Variants in NTM observed in about 807,000 individuals in gnomAD.
NTM encodes IgLON family member 2.
Under a neutral mutation model 42.1 loss-of-function variants are expected in NTM, and 13 were observed. That is an observed-to-expected ratio of 0.31 (90% CI 0.20 to 0.49). The LOEUF (loss-of-function observed/expected upper bound fraction) is 0.49. Among genes scored for constraint, NTM ranks in the 20% least tolerant of loss-of-function variants. NTM has a pLI of 0.99. For synonymous variants in NTM, 187 were observed against 179.2 expected, an observed-to-expected ratio of 1.04 and a Z score of -0.35; for missense variants, 373 against 452.8, an observed-to-expected ratio of 0.82 and a Z score of 1.60.
intron 1 of NTM, among the ~76,000 whole-genome samples, chr11:131,372,406 C>A (rs901787233): frequency 6.6e-6 from 1 of 152,072 alleles, no homozygotes; most frequent in African/African-American, 2.4e-5. Context: ...TGGAGGCATC[C>A]TCGATTGACT....
At chr11:131,464,622 G>A (rs937589095) in intron 1 of NTM, among the ~76,000 whole-genome samples, 5 of 151,980 alleles carry the variant, frequency 3.3e-5, no homozygotes, top group Non-Finnish European at 5.9e-5. Context: ...ACATACTCAG[G>A]CAGTCTGACA....
At chr11:131,635,524 G>T (rs2064247889) in intron 1 of NTM, among the ~76,000 whole-genome samples, 1 of 152,070 alleles carries the variant, frequency 6.6e-6, no homozygotes, top group South Asian at 2.1e-4. Context: ...TGTATGACGT[G>T]TGTACTAAGT....
chr11:131,445,864 C>T (rs1298947692), intron 1 of NTM, among the ~76,000 whole-genome samples: 1 of 152,196 alleles, frequency 6.6e-6, no homozygotes, highest in Non-Finnish European at 1.5e-5. Flanking sequence ...TTAGTTTCTA[C>T]TGGAGCATAA....
At chr11:132,269,790 A>G (rs971191783) in intron 4 of NTM, among the ~76,000 whole-genome samples, 1 of 152,194 alleles carries the variant, frequency 6.6e-6, no homozygotes, top group African/African-American at 2.4e-5. Flanking sequence ...GAAAAATCCC[A>G]TCACTCAGGA....
At chr11:131,816,313 A>G (rs1207533379) in intron 1 of NTM, among the ~76,000 whole-genome samples, 1 of 152,158 alleles carries the variant, frequency 6.6e-6, no homozygotes, top group African/African-American at 2.4e-5. Flanking sequence ...CTGGGAGTAC[A>G]ATGTCCATGC....
intron 2 of NTM, among the ~76,000 whole-genome samples, chr11:132,081,979 G>A (rs1046191865): frequency 1.4e-5 from 2 of 146,618 alleles, no homozygotes; most frequent in Non-Finnish European, 3.0e-5. Flanking sequence ...TTAAAATAAT[G>A]CAATTGCTGG....
intron 1 of NTM, among the ~76,000 whole-genome samples, chr11:131,659,142 C>T (rs953811628): frequency 6.6e-6 from 1 of 152,214 alleles, no homozygotes; most frequent in Non-Finnish European, 1.5e-5. Flanking sequence ...TCTGATGTCT[C>T]ATTGGCAGAC....
At chr11:131,838,191 C>CG (rs770050488) in intron 1 of NTM, among the ~76,000 whole-genome samples, 31 of 151,950 alleles carry the variant, frequency 2.0e-4, no homozygotes, top group Non-Finnish European at 2.9e-4. Flanking sequence ...ATGCAGGGGG[C>CG]GGGGTGTAGA....
intron 1 of NTM, among the ~76,000 whole-genome samples, chr11:131,824,438 T>C (rs2041895261): frequency 6.6e-6 from 1 of 152,136 alleles, no homozygotes; most frequent in African/African-American, 2.4e-5. Context: ...GTGTACAAGA[T>C]GGACACATAA....
Position 132,335,094 on chromosome 11 carries a change from G to T in NTM, c.1016G>T (p.Gly339Val). 1 of 1,612,562 alleles carries T rather than the reference G, an allele frequency of 6.2e-7. No homozygotes were observed. Among genetic ancestry groups the T allele is most frequent in the South Asian group, 1.1e-5 (1 of 91,054 alleles). The change falls in exon 9 of 9, where the codon GGC (glycine) becomes GTC (valine). Residue 339 changes from glycine to valine, a missense_variant. By Grantham distance (109) the Gly-to-Val change is moderately radical (BLOSUM62 -3). Around this residue, in one of 3 missense-constraint regions of NTM, gnomAD observed 312 missense variants for 353.5 expected, o/e 0.88. Coordinates refer to ENST00000683400, the MANE Select transcript of NTM (RefSeq NM_001352005.2). ...EVSNGTSRRA[G>V]CVWLLPLLVL... is the part of the protein sequence containing the mutation. ...AGCAACGGCACGTCGAGGAGGGCAG[G>T]CTGCGTCTGGCTGCTGCCTCTTCTG... is the stretch of plus-strand genomic sequence containing the variant.
At chr11:131,911,427 C>CG (rs1285042465) in intron 1 of NTM, 137 bp from the exon 2 acceptor site, 15 of 1,610,864 alleles carry the variant, frequency 9.3e-6, no homozygotes, top group Non-Finnish European at 1.2e-5. Context: ...TGTGCTCGCC[C>CG]GGGGGGCGTG....
At chr11:131,911,869 G>A (rs2055114727) in intron 2 of NTM, among the ~76,000 whole-genome samples, 1 of 152,128 alleles carries the variant, frequency 6.6e-6, no homozygotes, top group Non-Finnish European at 1.5e-5. Flanking sequence ...CCAAAAACTG[G>A]CCTCTGCGGC....
chr11:131,812,414 C>A (rs1452862549), intron 1 of NTM, among the ~76,000 whole-genome samples: 1 of 152,168 alleles, frequency 6.6e-6, no homozygotes, highest in Non-Finnish European at 1.5e-5. Context: ...AATTGGCTAA[C>A]TGAAGAGCAC....
chr11:131,799,626 C>T (rs2091934715), intron 1 of NTM, among the ~76,000 whole-genome samples: 1 of 152,118 alleles, frequency 6.6e-6, no homozygotes, highest in Non-Finnish European at 1.5e-5. Context: ...TCCATCTGTC[C>T]ACCAGAATTG....
intron 1 of NTM, among the ~76,000 whole-genome samples, chr11:131,735,728 C>T (rs2080328715): frequency 6.6e-6 from 1 of 152,056 alleles, no homozygotes; most frequent in Non-Finnish European, 1.5e-5. Flanking sequence ...TCGCTCTTTC[C>T]ATGGTTCCTT....
chr11:132,305,522 A>G (rs2095045451), intron 4 of NTM, among the ~76,000 whole-genome samples: 1 of 152,206 alleles, frequency 6.6e-6, no homozygotes. Context: ...ACCAATTGCC[A>G]CACATATGTA....
chr11:131,651,623 T>C (rs923325779), intron 1 of NTM, among the ~76,000 whole-genome samples: 11 of 152,116 alleles, frequency 7.2e-5, no homozygotes, highest in Admixed American at 2.6e-4. Flanking sequence ...AGGTGGATCA[T>C]GAGGTCAAGA....
At chr11:131,572,793 A>G (rs1420265848) in intron 1 of NTM, among the ~76,000 whole-genome samples, 1 of 152,206 alleles carries the variant, frequency 6.6e-6, no homozygotes. Flanking sequence ...GCCCAATCAC[A>G]GGGAGATGAA....
chr11:131,687,990 C>T (rs1592557780), intron 1 of NTM, among the ~76,000 whole-genome samples: 1 of 152,222 alleles, frequency 6.6e-6, no homozygotes, highest in South Asian at 2.1e-4. Context: ...ATGGAATAGC[C>T]CTCCTCTGAA....
Sources: allele counts gnomAD v4.1 joint callset (sites outside exome capture counted in the v4.1 genomes callset), GRCh38; gene constraint gnomAD v4.1.1; regional missense constraint gnomAD v4.1.1; transcripts MANE v1.5; gene names NCBI Gene and HGNC (gene_info 2026-07-23, HGNC 2026-07-21).